Variants in ATXN2 observed in about 807,000 individuals in gnomAD.
ATXN2 encodes ataxin-2.
In ATXN2, 37 loss-of-function variants were observed where a neutral mutation model predicts 138.6. The ratio of observed to expected loss-of-function variants is 0.27; its 90% confidence interval spans 0.21 to 0.35. ATXN2 has a LOEUF of 0.35. Among genes scored for constraint, ATXN2 ranks in the 10% least tolerant of loss-of-function variants. The probability of loss-of-function intolerance (pLI) is 1.00; values close to 1 mark genes in which losing one functional copy is unlikely to be tolerated. For synonymous variants in ATXN2, 549 were observed against 543.7 expected (o/e 1.01, Z -0.13); for missense variants, 1,216 against 1,480.3 (o/e 0.82, Z 2.93).
intron 5 of ATXN2, among the ~76,000 whole-genome samples, chr12:111,540,423 G>GT (rs1433437578): frequency 6.6e-6 from 1 of 150,556 alleles, no homozygotes; most frequent in Non-Finnish European, 1.5e-5. Context: ...AGTGTTAAGT[G>GT]TTTTGCAACT....
At chr12:111,565,850 G>A (rs938486547) in intron 1 of ATXN2, among the ~76,000 whole-genome samples, 2 of 151,956 alleles carry the variant, frequency 1.3e-5, no homozygotes, top group African/African-American at 4.8e-5. Context: ...ACAAAAATTA[G>A]CCAGACGTGG....
At chr12:111,578,320 C>G (rs948090108) in intron 1 of ATXN2, among the ~76,000 whole-genome samples, 23 of 152,178 alleles carry the variant, frequency 1.5e-4, no homozygotes, top group African/African-American at 5.5e-4. Flanking sequence ...AATGACTCAT[C>G]CCAAGCAACT....
chr12:111,501,149 CATA>C (rs891412094), intron 14 of ATXN2, among the ~76,000 whole-genome samples: 29 of 151,806 alleles, frequency 1.9e-4, no homozygotes, highest in Non-Finnish European at 3.2e-4. Flanking sequence ...ACTATGTACC[CATA>C]AAAAAATAAA....
intron 1 of ATXN2, among the ~76,000 whole-genome samples, chr12:111,592,782 C>CAAAAAAAAAGAAAAAA (rs1884736096): frequency 3.8e-5 from 1 of 26,018 alleles, no homozygotes; most frequent in African/African-American, 1.1e-4. Context: ...GACTCCGTCT[C>CAAAAAAAAAGAAAAAA]AAAAAAAAAA....
At chr12:111,492,825 C>T (rs771537864) in intron 14 of ATXN2, among the ~76,000 whole-genome samples, 2 of 151,970 alleles carry the variant, frequency 1.3e-5, no homozygotes, top group Non-Finnish European at 2.9e-5. Flanking sequence ...ACCAAATGAA[C>T]TAAAAATAAA....
chr12:111,495,661 TC>T (rs1181934214), intron 14 of ATXN2, among the ~76,000 whole-genome samples: 1 of 152,130 alleles, frequency 6.6e-6, no homozygotes, highest in Non-Finnish European at 1.5e-5. Flanking sequence ...AACACCCCAC[TC>T]TCAGCAATGG....
chr12:111,519,886 T>G lies in ATXN2; in HGVS notation c.979A>C (p.Asn327His). Residue 327 changes from asparagine (N) to histidine (H), a missense_variant, in exon 8 of 25, where the codon AAC (asparagine) becomes CAC (histidine). Physicochemically the swap from Asn to His is moderately conservative, Grantham distance 68. Coordinates refer to ENST00000673436, the MANE Select transcript of ATXN2 (RefSeq NM_001372574.1). ...ATGATTTCCTTTAAATACCTAGTGT[T>G]TATGCTGTGCCCCTCACGTTCACTG... ...NSSEREGHSI[N>H]TRENKYIPPG... 6.2e-7 allele frequency: 1 copy of G among 1,614,158 alleles called. No individual in the cohort carries two copies. Among genetic ancestry groups the G allele is most frequent in the Non-Finnish European group, 8.5e-7 (1 of 1,180,014 alleles).
intron 15 of ATXN2, among the ~76,000 whole-genome samples, chr12:111,487,759 C>A (rs1234336000): frequency 6.6e-6 from 1 of 151,980 alleles, no homozygotes; most frequent in Middle Eastern, 3.2e-3. Flanking sequence ...AGTCAACATA[C>A]CAATATTCTA....
rs62932861 is a variant in ATXN2 at position 111,541,346 on chromosome 12, CTTTTTTTT to C, written c.571+10926_571+10933del. On this transcript the variant is annotated intron_variant, in intron 5 of 24. Transcript: ENST00000673436. ...CGTAGCCACTGTGACAGTTATAATT[CTTTTTTTT>C]TTTTTTTTTTTTTTGAAACAGAGTT... Among the ~76,000 whole-genome samples the C allele has an allele frequency of 5.2e-3, 352 of 67,462 alleles. 9 individuals are homozygous for C. Among genetic ancestry groups the C allele is most frequent in the Middle Eastern group, 0.017 (2 of 116 alleles). The allele number at this position is 67,462 out of a possible 152,430, so 44.3% of individuals were successfully genotyped here.
In ATXN2 at chr12:111,516,211, A is replaced by G. The variant is rs752234992; in HGVS notation, c.1318T>C (p.Ser440Pro). ...SRPSRPPSHP[S>P]AHGSPAPVST... ...ACAGGAGCTGGAGAACCATGAGCAG[A>G]GGGGTGAGACGGGGGTCTGGATGGC... Residue 440 changes from serine to proline, a missense_variant, in exon 10 of 25, where the codon TCT becomes CCT. Physicochemically the swap from Ser to Pro is moderately conservative, Grantham distance 74. Around this residue, in one of 4 missense-constraint regions of ATXN2, gnomAD observed 401 missense variants for 528.1 expected, o/e 0.76. Transcript: ENST00000673436. The surrounding 1 kb of genome is among the most constrained non-coding windows in gnomAD (Gnocchi z 5.0). 7 of 1,580,220 alleles carry G rather than the reference A, an allele frequency of 4.4e-6. No individual in the cohort carries two copies. In the Admixed American group the frequency reaches 1.4e-4, roughly 31 times the overall value.
In ATXN2 at chr12:111,566,453, A is replaced by AT. The variant is rs1419950175; in HGVS notation, c.252-10535_252-10534insA. On this transcript the variant is annotated intron_variant, in intron 1 of 24. Transcript: ENST00000673436. ...AACTCCATCTCAAAAAAAAAGAAAA[A>AT]AAAAAAAAGAAATACATTCTGTAAG... Among the ~76,000 whole-genome samples, 3 of 151,312 alleles carry AT rather than the reference A, an allele frequency of 2.0e-5. No homozygotes were observed. The East Asian group carries it at 5.8e-4, about 29-fold the overall frequency.
intron 16 of ATXN2, 133 bp from the exon 17 acceptor site, chr12:111,485,998 C>T: frequency 1.4e-6 from 1 of 738,432 alleles, no homozygotes; most frequent in Non-Finnish European, 1.9e-6. Flanking sequence ...AACAAAAACA[C>T]AGCACATAAA....
chr12:111,482,025 A>G (rs1877273459), intron 18 of ATXN2, among the ~76,000 whole-genome samples: 1 of 152,018 alleles, frequency 6.6e-6, no homozygotes, highest in African/African-American at 2.4e-5. Context: ...AAAGGAAATA[A>G]TCCAAATGTT....
chr12:111,552,165 G>C lies in ATXN2; in HGVS notation c.571+115C>G. On this transcript the variant is annotated intron_variant, in intron 5 of 24. Transcript: ENST00000673436. The surrounding 1 kb of genome is among the most constrained non-coding windows in gnomAD (Gnocchi z 4.1). ...CTAAGTGCTAAGATTACAGGAATGA[G>C]CCGCCATACCCAGCCCAGATATTTC... 1 of 1,129,126 alleles carries C rather than the reference G, an allele frequency of 8.9e-7. No individual in the cohort carries two copies. The highest frequency in any genetic ancestry group is 1.2e-6 in the Non-Finnish European group (1 of 832,028). The allele number at this position is 1,129,126 out of a possible 1,614,324, so 69.9% of individuals were successfully genotyped here. A position where few individuals can be genotyped will look rare whatever the true frequency, so the allele number is the denominator to read the frequency against.
Position 111,453,371 on chromosome 12 carries a change from T to C in ATXN2, c.3439+306A>G. 8.8e-7 allele frequency: 1 copy of C among 1,136,014 alleles called. No individual in the cohort carries two copies. 70.4% of individuals were successfully genotyped at this position (1,136,014 alleles called of 1,614,324 possible). On this transcript the variant is annotated intron_variant, in intron 24 of 24. Transcript: ENST00000673436. The surrounding 1 kb of genome is among the most constrained non-coding windows in gnomAD (Gnocchi z 5.4). ...GGACTCAGGAAGGAAAACACTGCCC[T>C]GTCCAGCCTGTCATAACAAGGAAGG...
intron 1 of ATXN2, among the ~76,000 whole-genome samples, chr12:111,594,784 T>TA (rs1190920843): frequency 6.6e-6 from 1 of 152,008 alleles, no homozygotes; most frequent in Admixed American, 6.6e-5. Flanking sequence ...TAGCAGCTAA[T>TA]AAAAAACACT....
In ATXN2 at chr12:111,452,815, C is replaced by G. The variant is rs770055839; in HGVS notation, c.3465G>C (p.Leu1155Phe). The G allele has an allele frequency of 6.2e-7, 1 of 1,614,000 alleles. No individual in the cohort carries two copies. Among genetic ancestry groups the G allele is most frequent in the Non-Finnish European group, 8.5e-7 (1 of 1,179,912 alleles). ...PSVQAHHQQQ[L>F] ...TTTCGGTTCCTCCAGGGCAGCCTTA[C>G]AACTGCTGTTGGTGGTGGGCTTGTA... Residue 1155 changes from leucine to phenylalanine, a missense_variant, in exon 25 of 25, where the codon TTG (leucine) becomes TTC (phenylalanine). Coordinates refer to ENST00000673436, the MANE Select transcript of ATXN2 (RefSeq NM_001372574.1).
At chr12:111,508,726 T>G (rs1232427984) in intron 14 of ATXN2, among the ~76,000 whole-genome samples, 1 of 152,094 alleles carries the variant, frequency 6.6e-6, no homozygotes, top group Non-Finnish European at 1.5e-5. Context: ...GGATTACAGG[T>G]GTGAGCCACC....
rs750275282 is a variant in ATXN2, at chr12:111,513,469, G to A, written c.1446C>T (p.Ser482=). The A allele has an allele frequency of 1.2e-5, 19 of 1,613,998 alleles. No homozygotes were observed. The highest frequency in any genetic ancestry group is 1.5e-5 in the Non-Finnish European group (18 of 1,179,980). Residue 482 remains serine (S), a synonymous_variant, in exon 11 of 25, where the codon TCC becomes TCT. Coordinates refer to ENST00000673436, the MANE Select transcript of ATXN2 (RefSeq NM_001372574.1). ...RNHRVSAGRG[S]ISSGLEFVSH... ...ATACAAATTCTAGGCCACTGGATAT[G>A]GAACCCCTCCCAGCAGAAACTCTGT...
Sources: allele counts gnomAD v4.1 joint callset (sites outside exome capture counted in the v4.1 genomes callset), GRCh38; gene constraint gnomAD v4.1.1; regional missense constraint gnomAD v4.1.1; non-coding constraint Gnocchi (gnomAD v3.1); transcripts MANE v1.5; gene names NCBI Gene and HGNC (gene_info 2026-07-23, HGNC 2026-07-21).